Variants in LYST observed in about 807,000 individuals in gnomAD.
The protein encoded by LYST is lysosomal trafficking regulator.
Under a neutral mutation model 413.6 loss-of-function variants are expected in LYST, and 192 were observed. The observed-to-expected ratio is 0.46, with a 90% CI of 0.41 to 0.52. The LOEUF (loss-of-function observed/expected upper bound fraction) is 0.52. LYST is among the 20% of genes least tolerant of loss of function. LYST has a pLI of 0.00. For missense variants in LYST, 3,815 were observed against 4,499.9 expected (o/e 0.85, Z 4.35); for synonymous variants, 1,525 against 1,567.3 (o/e 0.97, Z 0.64).
chr1:235,788,323 C>T (rs1670644086), intron 13 of LYST, among the ~76,000 whole-genome samples: 2 of 151,912 alleles, frequency 1.3e-5, no homozygotes, highest in Non-Finnish European at 2.9e-5. Context: ...TCATGCCTGG[C>T]TAATTTTTGT....
At chr1:235,665,931 G>A (rs757720614) in intron 50 of LYST, among the ~76,000 whole-genome samples, 5 of 151,992 alleles carry the variant, frequency 3.3e-5, no homozygotes, top group South Asian at 2.1e-4. Flanking sequence ...CTGATAAAGC[G>A]GTTAGGAGGC....
intron 36 of LYST, among the ~76,000 whole-genome samples, chr1:235,730,070 T>G (rs1664228723): frequency 6.6e-6 from 1 of 151,842 alleles, no homozygotes; most frequent in Non-Finnish European, 1.5e-5. Context: ...ATTATTTACA[T>G]TATTATGAAG....
At chr1:235,863,221 T>C (rs962107760) in intron 1 of LYST, among the ~76,000 whole-genome samples, 1 of 151,572 alleles carries the variant, frequency 6.6e-6, no homozygotes, top group Non-Finnish European at 1.5e-5. Context: ...TGAAACCCCA[T>C]CTCTGCTAAA....
At chr1:235,804,406 T>C (rs1163305154) in intron 7 of LYST, 98 bp downstream of exon 7, 7 of 924,682 alleles carry the variant, frequency 7.6e-6, no homozygotes, top group Admixed American at 5.1e-5. Context: ...TCCTAGTCCA[T>C]ATGCTCTAAT....
At chr1:235,799,514 G>A (rs1671955306) in intron 10 of LYST, among the ~76,000 whole-genome samples, 2 of 152,108 alleles carry the variant, frequency 1.3e-5, no homozygotes, top group South Asian at 4.1e-4. Context: ...TATCACTTCT[G>A]AGTATTCCTG....
chr1:235,848,191 C>T (rs77776101), intron 1 of LYST, among the ~76,000 whole-genome samples: 9,349 of 152,180 alleles, frequency 0.061, 951 homozygotes, highest in African/African-American at 0.21. Context: ...CTCTCTCAGA[C>T]CACAGCGGCA....
intron 29 of LYST, among the ~76,000 whole-genome samples, chr1:235,745,268 C>T (rs1665804290): frequency 6.6e-6 from 1 of 151,954 alleles, no homozygotes; most frequent in Non-Finnish European, 1.5e-5. Context: ...GAGTGTATTT[C>T]TTTGAATAGC....
intron 38 of LYST, 85 bp downstream of exon 38, chr1:235,727,991 C>A: frequency 1.0e-6 from 1 of 970,512 alleles, no homozygotes; most frequent in South Asian, 1.3e-5. Context: ...TCTAATAGTT[C>A]TTCCTTCTCT....
intron 43 of LYST, among the ~76,000 whole-genome samples, chr1:235,711,539 T>A (rs1662398907): frequency 6.6e-6 from 1 of 152,228 alleles, no homozygotes; most frequent in African/African-American, 2.4e-5. Context: ...TAGCTGCTCT[T>A]CTATTTAAGA....
At chr1:235,773,815 A>T (rs768031735) in intron 19 of LYST, 27 bp downstream of exon 19, 46 of 1,599,782 alleles carry the variant, frequency 2.9e-5, no homozygotes, top group Non-Finnish European at 3.8e-5. Flanking sequence ...CACAATAAAA[A>T]ATGGAAAAAA....
chr1:235,804,432 C>A, intron 7 of LYST, 72 bp downstream of exon 7: 1 of 1,166,194 alleles, frequency 8.6e-7, no homozygotes, highest in South Asian at 1.2e-5. Context: ...TCATCAGCGT[C>A]CTAGTGTCAT....
chr1:235,838,212 G>C (rs1572414625), intron 1 of LYST, among the ~76,000 whole-genome samples: 1 of 152,330 alleles, frequency 6.6e-6, no homozygotes, highest in South Asian at 2.1e-4. Context: ...TTAAACTGAT[G>C]AGTGTAACAG....
chr1:235,878,477 G>T (rs576759032), intron 1 of LYST, among the ~76,000 whole-genome samples: 42 of 152,272 alleles, frequency 2.8e-4, no homozygotes, highest in African/African-American at 9.6e-4. Context: ...GCAACCTGAA[G>T]TAAAAATAAT....
In LYST at chr1:235,806,093, C is replaced by A. The variant is rs776396485; in HGVS notation, c.3043G>T (p.Asp1015Tyr). ...TCCTGGTTTTCATTTACACTTGTAT[C>A]TCCCTCCTTTTTTCCTTGCTCCTCT... Reference protein sequence around the residue: ...HKEEQGKKEGDTSVNENQDLN... With the variant: ...HKEEQGKKEGYTSVNENQDLN... Residue 1015 changes from aspartate to tyrosine, a missense_variant, in exon 6 of 53, where the codon GAT becomes TAT. Transcript: ENST00000389793. 1 of 1,613,642 alleles carries A rather than the reference C, an allele frequency of 6.2e-7. No individual in the cohort carries two copies. The highest frequency in any genetic ancestry group is 8.5e-7 in the Non-Finnish European group (1 of 1,179,740).
intron 47 of LYST, among the ~76,000 whole-genome samples, chr1:235,688,167 C>A (rs1660362623): frequency 1.3e-5 from 2 of 152,196 alleles, no homozygotes; most frequent in African/African-American, 4.8e-5. Flanking sequence ...GAATAAAACT[C>A]ATTCTGTCTT....
In LYST at chr1:235,677,480, CTGTTTAAATCCCATA is replaced by C; in HGVS notation, c.10925_10939del (p.Ile3642_Asn3646del). The C allele has an allele frequency of 6.2e-7, 1 of 1,613,556 alleles. No homozygotes were observed. Among genetic ancestry groups the C allele is most frequent in the Non-Finnish European group, 8.5e-7 (1 of 1,179,698 alleles). ...TTGATTTGGAGACCTTCTTCTGTAC[CTGTTTAAATCCCATA>C]TGATGCAGGTTCCGTCTCTGCTCAC... On this transcript the variant is annotated inframe_deletion and splice_region_variant, in exon 49 of 53. Transcript: ENST00000389793.
chr1:235,730,776 A>ATATT, intron 36 of LYST, 71 bp downstream of exon 36: 3 of 1,026,394 alleles, frequency 2.9e-6, no homozygotes, highest in Non-Finnish European at 3.1e-6. Context: ...TATAAAATAA[A>ATATT]TATTACATAA....
At chr1:235,792,912 C>T (rs1671171611) in intron 11 of LYST, among the ~76,000 whole-genome samples, 1 of 152,124 alleles carries the variant, frequency 6.6e-6, no homozygotes, top group Admixed American at 6.5e-5. Context: ...GATCTGCCCA[C>T]CTAGGCCTCA....
At chr1:235,862,376 G>C (rs1012170641) in intron 1 of LYST, among the ~76,000 whole-genome samples, 1 of 152,178 alleles carries the variant, frequency 6.6e-6, no homozygotes, top group African/African-American at 2.4e-5. Flanking sequence ...GAAAATTCCA[G>C]AAATAATTCA....
Sources: gnomAD v4.1 joint callset for allele counts (sites outside exome capture counted in the v4.1 genomes callset) on GRCh38, gnomAD v4.1.1 for gene constraint, MANE v1.5 for transcripts, NCBI Gene and HGNC (gene_info 2026-07-23, HGNC 2026-07-21) for gene names.